The following MRPS27 variants were observed in gnomAD, a reference collection of about 807,000 sequenced individuals.
MRPS27 encodes the protein small ribosomal subunit protein mS27.
In MRPS27, 43 loss-of-function variants were observed where a neutral mutation model predicts 48.9. The ratio of observed to expected loss-of-function variants is 0.88; its 90% CI spans 0.69 to 1.13. MRPS27 has a LOEUF of 1.13. MRPS27 is among the 50% of genes most tolerant of loss of function. MRPS27 has a pLI of 0.00. For synonymous variants in MRPS27, 188 were observed against 171.9 expected (o/e 1.09, Z -0.73); for missense variants, 467 against 476.3 (o/e 0.98, Z 0.18).
At chr5:72,261,275 G>A (rs569819597) in intron 4 of MRPS27, among the ~76,000 whole-genome samples, 19 of 151,788 alleles carry the variant, frequency 1.3e-4, no homozygotes, top group African/African-American at 4.3e-4. Context: ...ATGTTGAGAC[G>A]GAGTCTCGTT....
intron 7 of MRPS27, chr5:72,229,156 G>C (rs1454305457): frequency 6.6e-6 from 1 of 152,188 alleles, no homozygotes; most frequent in Non-Finnish European, 1.5e-5. Context: ...GACAGAGCTG[G>C]AGCCCTAACT....
chr5:72,319,537 C>CTTTTTTTT (rs35020848), intron 1 of MRPS27, among the ~76,000 whole-genome samples: 1 of 84,200 alleles, frequency 1.2e-5, no homozygotes, highest in South Asian at 4.1e-4. Context: ...TAGGTTTTTC[C>CTTTTTTTT]TTTTTTTTTT....
At chr5:72,312,724 G>T (rs1377907978) in intron 2 of MRPS27, among the ~76,000 whole-genome samples, 1 of 151,136 alleles carries the variant, frequency 6.6e-6, no homozygotes, top group Admixed American at 6.6e-5. Flanking sequence ...GGGTTCAAGC[G>T]ATTCTCCTGC....
intron 1 of MRPS27, among the ~76,000 whole-genome samples, chr5:72,319,247 T>C (rs2112100342): frequency 6.6e-6 from 1 of 152,366 alleles, no homozygotes; most frequent in South Asian, 2.1e-4. Context: ...AGATCCACTA[T>C]GCAGGCTTTG....
chr5:72,239,385 A>C (rs1374023478), intron 4 of MRPS27, among the ~76,000 whole-genome samples: 1 of 152,216 alleles, frequency 6.6e-6, no homozygotes, highest in Non-Finnish European at 1.5e-5. Context: ...TTTGGCAAAA[A>C]TAAGATCCAA....
intron 4 of MRPS27, among the ~76,000 whole-genome samples, chr5:72,256,882 A>G (rs1161960907): frequency 6.6e-6 from 1 of 152,202 alleles, no homozygotes; most frequent in Non-Finnish European, 1.5e-5. Flanking sequence ...GATCATCAGA[A>G]GATATATCAC....
rs186783526 is a variant in MRPS27 at position 72,246,917 on chromosome 5, G to T, written c.282-8789C>A. Among the ~76,000 whole-genome samples, 75 of 152,242 alleles carry T rather than the reference G, an allele frequency of 4.9e-4. No homozygotes were observed. In the East Asian group the frequency reaches 0.013, roughly 25 times the overall value. The stretch of plus-strand genomic sequence containing the variant: ...AAAACATTTTTGTGGTTTCACAAAG[G>T]TCTCTAACAGCGAAAAATAAACATC... On this transcript the variant is annotated intron_variant, in intron 4 of 10. Transcript: ENST00000261413.
At chr5:72,316,996 T>C (rs999142603) in intron 1 of MRPS27, among the ~76,000 whole-genome samples, 8 of 145,772 alleles carry the variant, frequency 5.5e-5, no homozygotes, top group African/African-American at 2.0e-4. Context: ...GCCATTGCAT[T>C]CCAACCTGGG....
intron 4 of MRPS27, among the ~76,000 whole-genome samples, chr5:72,261,874 C>G (rs1360634163): frequency 1.3e-5 from 2 of 152,166 alleles, no homozygotes; most frequent in African/African-American, 4.8e-5. Flanking sequence ...GTAGTGGTTG[C>G]CACATTGCTA....
intron 4 of MRPS27, among the ~76,000 whole-genome samples, chr5:72,251,185 G>C (rs139310845): frequency 6.6e-6 from 1 of 152,292 alleles, no homozygotes; most frequent in African/African-American, 2.4e-5. Flanking sequence ...GCAAAGACCT[G>C]ACTGCCATTA....
intron 4 of MRPS27, among the ~76,000 whole-genome samples, chr5:72,262,078 G>A (rs1434247348): frequency 6.6e-6 from 1 of 152,240 alleles, no homozygotes; most frequent in Non-Finnish European, 1.5e-5. Context: ...ACCTATGCAC[G>A]TGACATTCCC....
At chr5:72,306,321 C>T (rs1750266706) in intron 2 of MRPS27, among the ~76,000 whole-genome samples, 1 of 152,150 alleles carries the variant, frequency 6.6e-6, no homozygotes, top group African/African-American at 2.4e-5. Flanking sequence ...CCTTTAACTT[C>T]GCAGAGGGGC....
At chr5:72,238,236 G>T in intron 4 of MRPS27, 108 bp from the exon 5 acceptor site, 2 of 676,092 alleles carry the variant, frequency 3.0e-6, no homozygotes, top group East Asian at 2.7e-5. Context: ...CAATGTGACA[G>T]AAATTCATAA....
intron 5 of MRPS27, among the ~76,000 whole-genome samples, chr5:72,236,545 C>T (rs1748203611): frequency 6.6e-6 from 1 of 152,142 alleles, no homozygotes; most frequent in Admixed American, 6.6e-5. Context: ...ACACTCTGAA[C>T]TGAAGAAAAC....
chr5:72,271,252 A>C (rs942107148), intron 4 of MRPS27, among the ~76,000 whole-genome samples: 6 of 152,202 alleles, frequency 3.9e-5, no homozygotes, highest in African/African-American at 1.4e-4. Flanking sequence ...ATCTACAAAC[A>C]ATTACTAGCA....
At chr5:72,262,719 C>A (rs1028718714) in intron 4 of MRPS27, among the ~76,000 whole-genome samples, 1 of 151,994 alleles carries the variant, frequency 6.6e-6, no homozygotes, top group African/African-American at 2.4e-5. Flanking sequence ...TACTGTGAAA[C>A]TTCTTCCTGG....
chr5:72,283,366 T>C (rs1749580870), intron 4 of MRPS27, among the ~76,000 whole-genome samples: 3 of 152,214 alleles, frequency 2.0e-5, no homozygotes, highest in African/African-American at 7.2e-5. Flanking sequence ...CTGTATCTTT[T>C]GGTATATTAC....
At chr5:72,263,722 T>A (rs924382871) in intron 4 of MRPS27, among the ~76,000 whole-genome samples, 1 of 151,810 alleles carries the variant, frequency 6.6e-6, no homozygotes, top group African/African-American at 2.4e-5. Flanking sequence ...CCATACCAAT[T>A]AGGAGAGCTA....
At chr5:72,319,391 T>C (rs1291634375) in intron 1 of MRPS27, among the ~76,000 whole-genome samples, 4 of 152,012 alleles carry the variant, frequency 2.6e-5, no homozygotes, top group African/African-American at 9.7e-5. Context: ...TAAAATGAGA[T>C]TAATACTGAA....
Sources: gnomAD v4.1 joint callset for allele counts (sites outside exome capture counted in the v4.1 genomes callset) on GRCh38, gnomAD v4.1.1 for gene constraint, MANE v1.5 for transcripts, NCBI Gene and HGNC (gene_info 2026-07-23, HGNC 2026-07-21) for gene names.